SERGEF: variants seen among roughly 807,000 people sequenced by gnomAD.
SERGEF encodes secretion-regulating guanine nucleotide exchange factor.
In SERGEF, 51 loss-of-function variants were observed where a neutral mutation model predicts 50.0. The observed-to-expected ratio is 1.02, with a 90% CI of 0.81 to 1.29. The LOEUF is 1.29. Ranked by LOEUF, SERGEF falls within the 50% of genes most tolerant of loss-of-function variation. The pLI is 0.00. For synonymous variants in SERGEF, 205 were observed against 212.4 expected, an observed-to-expected ratio of 0.97 and a Z score of 0.30; for missense variants, 521 against 557.0, an observed-to-expected ratio of 0.94 and a Z score of 0.65.
At chr11:17,815,711 C>T (rs1230307831) in intron 10 of SERGEF, among the ~76,000 whole-genome samples, 1 of 151,800 alleles carries the variant, frequency 6.6e-6, no homozygotes, top group East Asian at 1.9e-4. Flanking sequence ...ATCACGAGGT[C>T]AAGAGATCGA....
At chr11:17,968,700 T>C (rs1853184021) in intron 8 of SERGEF, among the ~76,000 whole-genome samples, 1 of 121,718 alleles carries the variant, frequency 8.2e-6, no homozygotes, top group South Asian at 2.9e-4. Context: ...CAAGAACCTG[T>C]CTCTAATTTA....
chr11:17,852,705 G>T (rs776798433), intron 10 of SERGEF, among the ~76,000 whole-genome samples: 2 of 152,196 alleles, frequency 1.3e-5, no homozygotes, highest in African/African-American at 4.8e-5. Context: ...ATGCAACAGG[G>T]TAACTCTCAG....
At chr11:17,879,572 A>G (rs563385611) in intron 9 of SERGEF, among the ~76,000 whole-genome samples, 30 of 152,294 alleles carry the variant, frequency 2.0e-4, no homozygotes, top group Non-Finnish European at 3.8e-4. Flanking sequence ...AAATTCATGT[A>G]TGAGTGATTC....
intron 10 of SERGEF, among the ~76,000 whole-genome samples, chr11:17,833,779 C>G (rs1850355254): frequency 6.6e-6 from 1 of 152,192 alleles, no homozygotes; most frequent in African/African-American, 2.4e-5. Context: ...GGATTCTGGA[C>G]TTGCATGGGG....
intron 5 of SERGEF, among the ~76,000 whole-genome samples, chr11:17,997,415 C>T (rs1319320982): frequency 2.6e-5 from 4 of 152,098 alleles, no homozygotes; most frequent in African/African-American, 7.2e-5. Flanking sequence ...ATTGGAACCT[C>T]GTGCACTCCT....
At chr11:17,811,697 A>G (rs1393325131) in intron 10 of SERGEF, among the ~76,000 whole-genome samples, 2 of 152,206 alleles carry the variant, frequency 1.3e-5, no homozygotes, top group Non-Finnish European at 2.9e-5. Flanking sequence ...GAAGAATACG[A>G]TCCAGGAGTG....
intron 9 of SERGEF, among the ~76,000 whole-genome samples, chr11:17,878,573 A>G (rs938279717): frequency 6.6e-6 from 1 of 152,338 alleles, no homozygotes; most frequent in East Asian, 1.9e-4. Flanking sequence ...TTACTGTAAA[A>G]ATGGAAAGAT....
intron 8 of SERGEF, among the ~76,000 whole-genome samples, chr11:17,964,192 C>T (rs1853071693): frequency 1.3e-5 from 2 of 152,036 alleles, no homozygotes; most frequent in Admixed American, 6.5e-5. Context: ...TCTCCTGGGG[C>T]GTTTGGCAAA....
chr11:17,995,771 A>T, intron 6 of SERGEF, 25 bp downstream of exon 6: 2 of 1,443,456 alleles, frequency 1.4e-6, no homozygotes, highest in Non-Finnish European at 1.9e-6. Context: ...GAACAAATAT[A>T]GGACTAAAGA....
chr11:18,010,957 T>C (rs866548327), intron 1 of SERGEF, among the ~76,000 whole-genome samples: 2 of 152,116 alleles, frequency 1.3e-5, no homozygotes, highest in African/African-American at 4.8e-5. Context: ...GGGAGAAAAG[T>C]AACATGACAC....
chr11:17,893,587 G>T (rs2133912731), intron 9 of SERGEF, among the ~76,000 whole-genome samples: 1 of 152,218 alleles, frequency 6.6e-6, no homozygotes, highest in South Asian at 2.1e-4. Flanking sequence ...TTTCAGAGAG[G>T]CTCCCCTACA....
chr11:18,005,275 G>C (rs1854050733), intron 3 of SERGEF, among the ~76,000 whole-genome samples: 1 of 152,158 alleles, frequency 6.6e-6, no homozygotes, highest in Non-Finnish European at 1.5e-5. Context: ...TTATTGTTTA[G>C]ATTCTAATAA....
intron 5 of SERGEF, among the ~76,000 whole-genome samples, chr11:17,998,542 G>GTC: frequency 7.1e-6 from 1 of 139,932 alleles, no homozygotes; most frequent in Admixed American, 7.4e-5. Flanking sequence ...GTGTGTGTGT[G>GTC]TGTGTATGTG....
chr11:17,829,610 A>G (rs1254559843), intron 10 of SERGEF, among the ~76,000 whole-genome samples: 1 of 152,168 alleles, frequency 6.6e-6, no homozygotes, highest in Non-Finnish European at 1.5e-5. Context: ...ACCAGTTGTC[A>G]CCAATCCTCT....
chr11:17,843,029 A>T (rs1480998626), intron 10 of SERGEF, among the ~76,000 whole-genome samples: 1 of 152,184 alleles, frequency 6.6e-6, no homozygotes, highest in East Asian at 1.9e-4. Context: ...TCCCCAACCT[A>T]TAATAGTTCC....
At chr11:17,987,802 G>A (rs962387727) in intron 8 of SERGEF, among the ~76,000 whole-genome samples, 3 of 152,212 alleles carry the variant, frequency 2.0e-5, no homozygotes, top group African/African-American at 7.2e-5. Context: ...AGATGTGTGT[G>A]TAGCTAGCAA....
chr11:17,788,327 G>C lies in SERGEF; in HGVS notation c.1135C>G (p.Gln379Glu), dbSNP rs777458585. Residue 379 changes from glutamine (Q) to glutamate (E), a missense_variant, in exon 11 of 11, where the codon CAG becomes GAG. Coordinates refer to ENST00000265965, the MANE Select transcript of SERGEF (RefSeq NM_012139.4). ...EANVWAPKPV[Q>E]ALLSSSGLLV... ...AGTCCTGACGATGACAGCAGAGCCT[G>C]CACCGGCTTTGGGGCCCAGACGTTG... The C allele has an allele frequency of 1.1e-5, 17 of 1,614,082 alleles. No homozygotes were observed. The highest frequency in any genetic ancestry group is 2.7e-5 in the African/African-American group (2 of 74,940).
intron 9 of SERGEF, among the ~76,000 whole-genome samples, chr11:17,921,418 C>G (rs950429864): frequency 2.0e-5 from 3 of 152,192 alleles, no homozygotes; most frequent in Non-Finnish European, 4.4e-5. Context: ...TGTAAAATAT[C>G]TAGTCCAGTG....
intron 9 of SERGEF, among the ~76,000 whole-genome samples, chr11:17,937,285 A>G (rs1852469608): frequency 6.6e-6 from 1 of 152,224 alleles, no homozygotes; most frequent in Admixed American, 6.5e-5. Flanking sequence ...TAATCCCAAC[A>G]CTTTGGGAAG....
Sources: gnomAD v4.1 joint callset for allele counts (sites outside exome capture counted in the v4.1 genomes callset) on GRCh38, gnomAD v4.1.1 for gene constraint, MANE v1.5 for transcripts, NCBI Gene and HGNC (gene_info 2026-07-23, HGNC 2026-07-21) for gene names.